Variants in GALC observed in about 807,000 individuals in gnomAD.
GALC encodes the protein galactosylceramidase.
In GALC, 77 loss-of-function variants were observed where a neutral mutation model predicts 91.8. That is an observed-to-expected ratio of 0.84 (90% CI 0.70 to 1.01). The LOEUF (loss-of-function observed/expected upper bound fraction) is 1.01. GALC is among the 50% of genes least tolerant of loss of function. The pLI, the probability that GALC is intolerant of heterozygous loss-of-function variation, is 0.00. For missense variants in GALC, 882 were observed against 855.9 expected (o/e 1.03, Z -0.38); for synonymous variants, 357 against 306.7 (o/e 1.16, Z -1.71).
chr14:87,988,241 T>C lies in GALC; in HGVS notation c.265-34A>G, dbSNP rs1404921815. On this transcript the variant is annotated intron_variant, in intron 2 of 16. Transcript: ENST00000261304. The stretch of plus-strand genomic sequence containing the variant: ...AGAAGTAACAGTATTAACATAGTGT[T>C]GTATTGTATGAAGCTTCAAGACAAT... 4 of 1,577,154 alleles carry C rather than the reference T, an allele frequency of 2.5e-6. No individual in the cohort carries two copies. The Admixed American group carries it at 6.7e-5, about 26-fold the overall frequency.
chr14:87,951,360 T>A (rs1422281726), intron 10 of GALC, among the ~76,000 whole-genome samples: 1 of 151,920 alleles, frequency 6.6e-6, no homozygotes, highest in Non-Finnish European at 1.5e-5. Context: ...CACAGTTCTA[T>A]TTCAGGCTTT....
intron 1 of GALC, chr14:87,992,437 C>T: frequency 6.5e-7 from 1 of 1,535,370 alleles, no homozygotes; most frequent in Non-Finnish European, 8.7e-7. Context: ...TTCGGCGCTA[C>T]CCTCTCTGGA....
At chr14:87,980,623 A>C in intron 6 of GALC, 1 of 337,312 alleles carries the variant, frequency 3.0e-6, no homozygotes, top group Non-Finnish European at 4.2e-6. Context: ...GACTTCCCTA[A>C]TCAACCCAGG....
chr14:87,943,298 T>C (rs903509832), intron 14 of GALC, among the ~76,000 whole-genome samples: 1 of 152,020 alleles, frequency 6.6e-6, no homozygotes, highest in African/African-American at 2.4e-5. Flanking sequence ...ATGCTCACTA[T>C]CAAGATAGAA....
At chr14:87,993,356 C>T, upstream of GALC, 2 of 1,535,564 alleles carry the variant, frequency 1.3e-6, no homozygotes, top group Non-Finnish European at 1.7e-6. Context: ...TGTCTGTGGT[C>T]AGCTACTGGA....
upstream of GALC, chr14:87,993,300 C>A: frequency 1.3e-6 from 2 of 1,537,760 alleles, no homozygotes; most frequent in South Asian, 2.4e-5. Flanking sequence ...ACGCAGCTGG[C>A]GGAGTGTTGA....
At chr14:87,957,892 T>C (rs1885625190) in intron 10 of GALC, among the ~76,000 whole-genome samples, 1 of 152,196 alleles carries the variant, frequency 6.6e-6, no homozygotes, top group Non-Finnish European at 1.5e-5. Flanking sequence ...CCCATGCTCA[T>C]GGATTGGAAG....
chr14:87,935,727 C>A (rs1391803367), intron 16 of GALC, among the ~76,000 whole-genome samples: 1 of 151,986 alleles, frequency 6.6e-6, no homozygotes, highest in Admixed American at 6.6e-5. Flanking sequence ...GTGAAGAGCT[C>A]AAAACTCAAA....
Position 87,965,623 on chromosome 14 carries a change from G to T in GALC, c.915C>A (p.Ile305=), listed in dbSNP as rs764592856. The T allele has an allele frequency of 6.2e-7, 1 of 1,613,094 alleles. No homozygotes were observed. Among genetic ancestry groups the T allele is most frequent in the Non-Finnish European group, 8.5e-7 (1 of 1,179,418 alleles). The change falls in exon 9 of 17, where the codon ATC becomes ATA. Residue 305 remains isoleucine, a synonymous_variant. Transcript: ENST00000261304. ...NYINGYMTST[I]AWNLVASYYE... Reference sequence around the variant, plus strand: ...AGTAACTAGCCACTAAATTCCATGCGATTGTGCTAAAAGATTTGATAAAAA... The same window carrying T: ...AGTAACTAGCCACTAAATTCCATGCTATTGTGCTAAAAGATTTGATAAAAA...
At chr14:87,975,498 T>C (rs1566999550) in intron 7 of GALC, among the ~76,000 whole-genome samples, 1 of 152,132 alleles carries the variant, frequency 6.6e-6, no homozygotes, top group Admixed American at 6.5e-5. Context: ...TACACAGTAA[T>C]ATTTTTATGG....
At chr14:87,942,347 C>T (rs1354226622) in intron 14 of GALC, among the ~76,000 whole-genome samples, 1 of 152,002 alleles carries the variant, frequency 6.6e-6, no homozygotes, top group African/African-American at 2.4e-5. Flanking sequence ...GTTCTAGGCT[C>T]ACTGATCCAC....
At chr14:87,992,598 T>G in intron 1 of GALC, 2 of 1,456,114 alleles carry the variant, frequency 1.4e-6, no homozygotes, top group Non-Finnish European at 1.8e-6. Flanking sequence ...TGGCCCTTTC[T>G]GGAGCGACGC....
In GALC at chr14:87,963,463, A is replaced by T; in HGVS notation, c.1082T>A (p.Val361Asp). 6.2e-7 allele frequency: 1 copy of T among 1,612,886 alleles called. No individual in the cohort carries two copies. The highest frequency in any genetic ancestry group is 1.1e-5 in the South Asian group (1 of 91,058). Residue 361 changes from valine to aspartate, a missense_variant, in exon 10 of 17, where the codon GTT becomes GAT. Transcript: ENST00000261304. ...TQPGWYYLKT[V>D]GHLEKGGSYV... ...GCTTCCTCCTTTCTCTAAATGGCCA[A>T]CTGTCTTCAGGTAATACCAGCCAGG...
chr14:87,949,987 G>A, intron 11 of GALC, 56 bp from the exon 12 acceptor site: 1 of 884,422 alleles, frequency 1.1e-6, no homozygotes, highest in African/African-American at 1.6e-5. Context: ...CCTCTTTGAG[G>A]ATTTCCAAAA....
intron 4 of GALC, 132 bp downstream of exon 4, chr14:87,986,357 G>A: frequency 1.4e-6 from 1 of 701,382 alleles, no homozygotes; most frequent in South Asian, 1.5e-5. Flanking sequence ...ATGCTTTGCT[G>A]CTGGTAGCAT....
chr14:87,953,577 A>G, intron 10 of GALC: 2 of 1,609,674 alleles, frequency 1.2e-6, no homozygotes, highest in East Asian at 4.5e-5. Flanking sequence ...GTAGCTCAGG[A>G]ATACTGTGTT....
At chr14:87,963,125 C>T (rs1885879288) in intron 10 of GALC, 1 of 427,078 alleles carries the variant, frequency 2.3e-6, no homozygotes, top group Non-Finnish European at 4.3e-6. Flanking sequence ...AATATTGGTA[C>T]ACAGGTAACC....
Position 87,941,532 on chromosome 14 carries a change from A to C in GALC, c.1697T>G (p.Val566Gly). ...TCCTGTGTCAGGGGTCTCTATGTAT[A>C]CATCACACTTTATAGTCAGATTGGT... is the stretch of plus-strand genomic sequence containing the variant. ...NWTNLTIKCD[V>G]YIETPDTGGV... Residue 566 changes from valine to glycine, a missense_variant, in exon 15 of 17, where the codon GTA (valine) becomes GGA (glycine). By Grantham distance (109) the Val-to-Gly change is moderately radical (BLOSUM62 -3). Transcript: ENST00000261304. 1.3e-6 allele frequency: 2 copies of C among 1,583,044 alleles called. No individual in the cohort carries two copies. Among genetic ancestry groups the C allele is most frequent in the Non-Finnish European group, 1.7e-6 (2 of 1,152,180 alleles).
chr14:87,978,189 T>A (rs1011874212), intron 6 of GALC, among the ~76,000 whole-genome samples: 133 of 152,282 alleles, frequency 8.7e-4, no homozygotes, highest in African/African-American at 2.7e-3. Context: ...GTAGCTGGGA[T>A]TACAGGCATG....
Sources: gnomAD v4.1 joint callset for allele counts (sites outside exome capture counted in the v4.1 genomes callset) on GRCh38, gnomAD v4.1.1 for gene constraint, MANE v1.5 for transcripts, NCBI Gene and HGNC (gene_info 2026-07-23, HGNC 2026-07-21) for gene names.